Variants in CNTNAP2 observed in about 807,000 individuals in gnomAD.
CNTNAP2 encodes the protein contactin-associated protein-like 2.
CNTNAP2 carries 98 observed loss-of-function variants against 155.2 expected under a neutral mutation model. The ratio of observed to expected loss-of-function variants is 0.63; its 90% CI spans 0.54 to 0.75. The LOEUF (loss-of-function observed/expected upper bound fraction) is 0.75. CNTNAP2 is among the 30% of genes least tolerant of loss of function. The probability of loss-of-function intolerance (pLI) is 0.00; values close to 1 mark genes in which losing one functional copy is unlikely to be tolerated. For synonymous variants in CNTNAP2, 651 were observed against 631.2 expected (o/e 1.03, Z -0.47); for missense variants, 1,727 against 1,688.1 (o/e 1.02, Z -0.40).
chr7:146,692,883 A>G (rs1428519802), intron 1 of CNTNAP2, among the ~76,000 whole-genome samples: 1 of 152,116 alleles, frequency 6.6e-6, no homozygotes, highest in South Asian at 2.1e-4. Flanking sequence ...CCAAAATGTC[A>G]TCCATTTTTT....
At chr7:146,161,381 T>C (rs144185638) in intron 1 of CNTNAP2, among the ~76,000 whole-genome samples, 2,823 of 152,156 alleles carry the variant, frequency 0.019, 80 homozygotes, top group African/African-American at 0.063. Context: ...AAATAAAGGG[T>C]ATTCAATTAG....
intron 18 of CNTNAP2, among the ~76,000 whole-genome samples, chr7:148,204,204 T>G (rs1459113975): frequency 6.6e-6 from 1 of 152,216 alleles, no homozygotes. Flanking sequence ...GCCGATACGA[T>G]GTGGCATGTT....
intron 1 of CNTNAP2, among the ~76,000 whole-genome samples, chr7:146,422,306 TATAAGAATATATAC>T (rs992432916): frequency 2.0e-5 from 3 of 150,098 alleles, no homozygotes; most frequent in African/African-American, 4.9e-5. Flanking sequence ...AGAATACATA[TATAAGAATATATAC>T]ATAAGAATAT....
chr7:147,225,780 AAGGAAGGAAG>A (rs1563123675), intron 8 of CNTNAP2, among the ~76,000 whole-genome samples: 7 of 132,366 alleles, frequency 5.3e-5, no homozygotes, highest in Admixed American at 1.5e-4. Context: ...GGAAGGAAGG[AAGGAAGGAAG>A]GAAGGAAGGA....
chr7:148,036,249 G>A (rs562573599), intron 15 of CNTNAP2, among the ~76,000 whole-genome samples: 1 of 152,294 alleles, frequency 6.6e-6, no homozygotes, highest in South Asian at 2.1e-4. Flanking sequence ...TTTTGCATGT[G>A]AGAAAGACAT....
intron 1 of CNTNAP2, among the ~76,000 whole-genome samples, chr7:146,250,414 TA>T (rs1345303578): frequency 6.6e-6 from 1 of 152,200 alleles, no homozygotes; most frequent in Non-Finnish European, 1.5e-5. Flanking sequence ...CAGTACTTAC[TA>T]ATTATAATTT....
At chr7:146,707,573 C>T (rs1438869251) in intron 1 of CNTNAP2, among the ~76,000 whole-genome samples, 2 of 152,084 alleles carry the variant, frequency 1.3e-5, no homozygotes, top group Non-Finnish European at 2.9e-5. Context: ...CTGCACTCCA[C>T]TGCCAGAGTC....
intron 13 of CNTNAP2, among the ~76,000 whole-genome samples, chr7:147,711,575 A>G (rs1313970489): frequency 2.0e-5 from 3 of 152,178 alleles, no homozygotes; most frequent in Non-Finnish European, 4.4e-5. Context: ...GCATGTGGCA[A>G]TCCAGACAGC....
At chr7:148,301,836 T>C (rs1025622849) in intron 21 of CNTNAP2, among the ~76,000 whole-genome samples, 3 of 152,090 alleles carry the variant, frequency 2.0e-5, no homozygotes, top group African/African-American at 7.2e-5. Flanking sequence ...AAGTGAAGCA[T>C]TGAGGAGGAC....
chr7:147,984,733 C>T (rs149709869), intron 15 of CNTNAP2, among the ~76,000 whole-genome samples: 2 of 151,984 alleles, frequency 1.3e-5, no homozygotes, highest in Admixed American at 6.6e-5. Flanking sequence ...TTCTCACCCC[C>T]CAAAGGAGTT....
intron 9 of CNTNAP2, among the ~76,000 whole-genome samples, chr7:147,376,430 T>C (rs73473202): frequency 0.034 from 5,178 of 152,102 alleles, 114 homozygotes; most frequent in South Asian, 0.046. Flanking sequence ...AGGGTTCATA[T>C]GTTTTGAAAA....
intron 2 of CNTNAP2, among the ~76,000 whole-genome samples, chr7:146,834,167 G>A (rs1291062959): frequency 1.3e-5 from 2 of 151,898 alleles, no homozygotes; most frequent in East Asian, 1.9e-4. Flanking sequence ...TGAGTGCCGC[G>A]TTTCTTCAGG....
chr7:146,453,035 T>C (rs533429202), intron 1 of CNTNAP2, among the ~76,000 whole-genome samples: 73 of 152,302 alleles, frequency 4.8e-4, no homozygotes, highest in Non-Finnish European at 1.8e-4. Context: ...GGAGGTTGTC[T>C]GTTGTCTCTC....
intron 8 of CNTNAP2, among the ~76,000 whole-genome samples, chr7:147,285,174 G>T (rs953732882): frequency 2.8e-5 from 4 of 143,448 alleles, no homozygotes; most frequent in Non-Finnish European, 6.0e-5. Flanking sequence ...AAATCATAAA[G>T]GATTGTACCT....
intron 8 of CNTNAP2, among the ~76,000 whole-genome samples, chr7:147,155,723 G>A (rs1801911798): frequency 6.6e-6 from 1 of 152,102 alleles, no homozygotes; most frequent in African/African-American, 2.4e-5. Context: ...TCTACAATTT[G>A]TATGGGTGAT....
intron 4 of CNTNAP2, among the ~76,000 whole-genome samples, chr7:147,092,064 C>G (rs1800418847): frequency 6.6e-6 from 1 of 152,126 alleles, no homozygotes; most frequent in African/African-American, 2.4e-5. Flanking sequence ...AAGGACTTAA[C>G]CACCCTACTA....
intron 13 of CNTNAP2, among the ~76,000 whole-genome samples, chr7:147,888,236 A>G (rs747299475): frequency 2.6e-5 from 4 of 152,198 alleles, no homozygotes; most frequent in Admixed American, 6.5e-5. Flanking sequence ...AAGTGGATAT[A>G]CTATTAAAAA....
chr7:146,943,115 A>G (rs932220145), intron 3 of CNTNAP2, among the ~76,000 whole-genome samples: 3 of 152,202 alleles, frequency 2.0e-5, no homozygotes, highest in Non-Finnish European at 1.5e-5. Context: ...AAAAAACATT[A>G]TAGCCTACTG....
chr7:146,288,493 GT>G (rs1273076138), intron 1 of CNTNAP2, among the ~76,000 whole-genome samples: 1 of 151,896 alleles, frequency 6.6e-6, no homozygotes, highest in African/African-American at 2.4e-5. Context: ...AGATAATGTT[GT>G]TTGATTAGAC....
Sources: gnomAD v4.1 joint callset for allele counts (sites outside exome capture counted in the v4.1 genomes callset) on GRCh38, gnomAD v4.1.1 for gene constraint, MANE v1.5 for transcripts, NCBI Gene and HGNC (gene_info 2026-07-23, HGNC 2026-07-21) for gene names.